The following HCN1 variants were observed in gnomAD, a reference collection of about 807,000 sequenced individuals.
The protein encoded by HCN1 is hyperpolarization activated cyclic nucleotide gated potassium channel 1, also known as potassium/sodium hyperpolarization-activated cyclic nucleotide-gated channel 1.
HCN1 carries 13 observed loss-of-function variants against 78.9 expected under a neutral mutation model. The ratio of observed to expected loss-of-function variants is 0.16; its 90% CI spans 0.11 to 0.26. The LOEUF is 0.26. Ranked by LOEUF, HCN1 falls within the 10% of genes least tolerant of loss-of-function variation. The pLI is 1.00. For synonymous variants in HCN1, 552 were observed against 455.5 expected (o/e 1.21, Z -2.70); for missense variants, 810 against 1,154.3 (o/e 0.70, Z 4.32).
intron 2 of HCN1, among the ~76,000 whole-genome samples, chr5:45,585,975 G>A (rs1057290970): frequency 6.6e-5 from 10 of 152,186 alleles, no homozygotes; most frequent in Admixed American, 2.0e-4. Context: ...GGGGGTCAGG[G>A]ACCCACTTGA....
At chr5:45,379,448 A>G (rs542373315) in intron 4 of HCN1, among the ~76,000 whole-genome samples, 3 of 151,622 alleles carry the variant, frequency 2.0e-5, no homozygotes, top group African/African-American at 7.3e-5. Context: ...TTTAGTGAAA[A>G]GTTTGTGTAT....
At position 45,527,055 on chromosome 5, in the gene HCN1, T is replaced by C. The variant is rs1050669491; in HGVS notation, c.850-65048A>G. ...CATTCTCTCTCTCTTTTCTCCCTCT[T>C]TCTCTCTCTCTCTCTCTCTGTCTCT... On this transcript the variant is annotated intron_variant, in intron 2 of 7. Transcript: ENST00000303230. Among the ~76,000 whole-genome samples, 12 of 129,084 alleles carry C rather than the reference T, an allele frequency of 9.3e-5. 2 individuals are homozygous for C. Among genetic ancestry groups the C allele is most frequent in the African/African-American group, 2.3e-4 (8 of 34,352 alleles). 84.7% of individuals were successfully genotyped at this position (129,084 alleles called of 152,430 possible).
At chr5:45,523,508 T>C (rs1450192839) in intron 2 of HCN1, among the ~76,000 whole-genome samples, 1 of 152,148 alleles carries the variant, frequency 6.6e-6, no homozygotes, top group Non-Finnish European at 1.5e-5. Flanking sequence ...CTCCACATAC[T>C]CTCCAGCACC....
chr5:45,403,394 G>A (rs191236618), intron 3 of HCN1, among the ~76,000 whole-genome samples: 1 of 152,176 alleles, frequency 6.6e-6, no homozygotes, highest in African/African-American at 2.4e-5. Flanking sequence ...ATAAAGGAAA[G>A]TGGTTTAATT....
At chr5:45,558,025 C>A (rs1044331329) in intron 2 of HCN1, 8 of 151,832 alleles carry the variant, frequency 5.3e-5, no homozygotes, top group African/African-American at 1.9e-4. Flanking sequence ...AAAGCAAAAA[C>A]AGACCAAAAG....
intron 4 of HCN1, among the ~76,000 whole-genome samples, chr5:45,383,635 G>A (rs750271109): frequency 2.0e-5 from 3 of 151,792 alleles, no homozygotes; most frequent in African/African-American, 4.8e-5. Flanking sequence ...CAGAGGTTGC[G>A]GTGAGCTGAG....
At chr5:45,394,652 C>A (rs1158796995) in intron 4 of HCN1, among the ~76,000 whole-genome samples, 1 of 151,938 alleles carries the variant, frequency 6.6e-6, no homozygotes, top group Non-Finnish European at 1.5e-5. Context: ...AAAATTTATT[C>A]TTTTAATACA....
At chr5:45,375,145 A>G (rs1190664102) in intron 4 of HCN1, among the ~76,000 whole-genome samples, 3 of 121,384 alleles carry the variant, frequency 2.5e-5, no homozygotes, top group Non-Finnish European at 3.2e-5. Context: ...TTTATAATAT[A>G]TAATGTATTA....
intron 5 of HCN1, among the ~76,000 whole-genome samples, chr5:45,346,601 C>T (rs1479005778): frequency 1.3e-5 from 2 of 152,174 alleles, no homozygotes; most frequent in African/African-American, 2.4e-5. Flanking sequence ...AGGGAGTTCC[C>T]TTTCCTAGTC....
At chr5:45,282,854 A>G (rs1009922843) in intron 6 of HCN1, among the ~76,000 whole-genome samples, 1 of 152,188 alleles carries the variant, frequency 6.6e-6, no homozygotes, top group Non-Finnish European at 1.5e-5. Flanking sequence ...AAGGTCCTCT[A>G]CATACCTAAA....
intron 4 of HCN1, among the ~76,000 whole-genome samples, chr5:45,373,204 T>G (rs1342326156): frequency 8.2e-6 from 1 of 121,954 alleles, no homozygotes; most frequent in East Asian, 2.2e-4. Context: ...TTTATATATT[T>G]TATATATGTT....
intron 5 of HCN1, among the ~76,000 whole-genome samples, chr5:45,350,754 A>G (rs1377377122): frequency 6.6e-6 from 1 of 151,830 alleles, no homozygotes; most frequent in East Asian, 1.9e-4. Context: ...GAGCCAAATC[A>G]TGAGTGAACT....
intron 4 of HCN1, among the ~76,000 whole-genome samples, chr5:45,371,688 C>T (rs891687559): frequency 2.0e-5 from 3 of 148,312 alleles, no homozygotes; most frequent in Non-Finnish European, 3.0e-5. Flanking sequence ...ACCCGGGAGG[C>T]GAAGGTTGCA....
intron 6 of HCN1, among the ~76,000 whole-genome samples, chr5:45,285,913 G>A (rs1249955453): frequency 2.0e-5 from 3 of 151,916 alleles, no homozygotes; most frequent in Admixed American, 6.6e-5. Context: ...CAAATCATCA[G>A]ATGTTTGCCA....
At chr5:45,548,706 G>C (rs1743286146) in intron 2 of HCN1, among the ~76,000 whole-genome samples, 1 of 152,100 alleles carries the variant, frequency 6.6e-6, no homozygotes, top group South Asian at 2.1e-4. Flanking sequence ...AAGTCAAATT[G>C]TCCCTGTTTG....
intron 2 of HCN1, among the ~76,000 whole-genome samples, chr5:45,583,014 T>C (rs13174397): frequency 6.6e-6 from 1 of 152,050 alleles, no homozygotes; most frequent in African/African-American, 2.4e-5. Context: ...TGCCAGGGTT[T>C]GGTATCAGGA....
Position 45,309,592 on chromosome 5 carries a change from T to C in HCN1, c.1378-5753A>G, listed in dbSNP as rs113390523. On this transcript the variant is annotated intron_variant, in intron 5 of 7. Transcript: ENST00000303230. Reference sequence around the variant, plus strand: ...GAACATGAAGTGATGTTGAATTTTATCAAAAGCCTTTCCTGCATCTATTGA... The same window carrying C: ...GAACATGAAGTGATGTTGAATTTTACCAAAAGCCTTTCCTGCATCTATTGA... Among the ~76,000 whole-genome samples, 202 of 152,342 alleles carry C rather than the reference T, an allele frequency of 1.3e-3. 2 individuals are homozygous for C. The highest frequency in any genetic ancestry group is 4.7e-3 in the African/African-American group (196 of 41,586).
intron 1 of HCN1, among the ~76,000 whole-genome samples, chr5:45,666,067 C>A (rs1746042774): frequency 6.6e-6 from 1 of 152,056 alleles, no homozygotes; most frequent in African/African-American, 2.4e-5. Flanking sequence ...ACTCCTCCAG[C>A]ATAATCCCAC....
intron 2 of HCN1, among the ~76,000 whole-genome samples, chr5:45,582,878 T>G (rs188819010): frequency 6.6e-6 from 1 of 152,330 alleles, no homozygotes; most frequent in Non-Finnish European, 1.5e-5. Flanking sequence ...GCCCACTTGA[T>G]TATGGTGGAT....
Sources: gnomAD v4.1 joint callset for allele counts (sites outside exome capture counted in the v4.1 genomes callset) on GRCh38, gnomAD v4.1.1 for gene constraint, MANE v1.5 for transcripts, NCBI Gene and HGNC (gene_info 2026-07-23, HGNC 2026-07-21) for gene names.